The following DCAF15 variants were observed in gnomAD, a reference collection of about 807,000 sequenced individuals.
DCAF15 encodes the protein DDB1- and CUL4-associated factor 15.
Under a neutral mutation model 68.0 loss-of-function variants are expected in DCAF15, and 24 were observed. The observed-to-expected ratio is 0.35, with a 90% CI of 0.26 to 0.50. The LOEUF (loss-of-function observed/expected upper bound fraction) is 0.50, where lower values mean the gene tolerates loss of function less well. DCAF15 is among the 20% of genes least tolerant of loss of function. DCAF15 has a pLI of 0.98. For missense variants in DCAF15, 627 were observed against 830.6 expected (o/e 0.75, Z 3.01); for synonymous variants, 376 against 341.6 (o/e 1.10, Z -1.11).
Position 13,959,249 on chromosome 19 carries a change from G to T in DCAF15, c.989G>T (p.Arg330Leu), listed in dbSNP as rs558989002. 1 of 1,612,494 alleles carries T rather than the reference G, an allele frequency of 6.2e-7. No individual in the cohort carries two copies. Among genetic ancestry groups the T allele is most frequent in the Admixed American group, 1.7e-5 (1 of 60,020 alleles). Residue 330 changes from arginine to leucine, a missense_variant, in exon 7 of 13, where the codon CGG (arginine) becomes CTG (leucine). Arg to Leu is a moderately radical substitution (Grantham distance 102, BLOSUM62 -2). Coordinates refer to ENST00000254337, the MANE Select transcript of DCAF15 (RefSeq NM_138353.4). ...GAGTTTGTGGCTGACATCTTCCGCCGGGCCAAAGAGGCCAAGGGCGGGGTC... is the reference window on the plus strand; with the variant it reads ...GAGTTTGTGGCTGACATCTTCCGCCTGGCCAAAGAGGCCAAGGGCGGGGTC... ...AKEFVADIFRRAKEAKGGVPE... is the reference protein window; with the variant it reads ...AKEFVADIFRLAKEAKGGVPE...
chr19:13,960,401 G>C lies in DCAF15; in HGVS notation c.1631+10G>C. ...TCAAAGGGCAGACCAGGTGAGGCAGGGCTGGGGGGCAGGGTCAGGGCGCGG... is the reference window on the plus strand; with the variant it reads ...TCAAAGGGCAGACCAGGTGAGGCAGCGCTGGGGGGCAGGGTCAGGGCGCGG... On this transcript the variant is annotated intron_variant, in intron 11 of 12. Coordinates refer to ENST00000254337, the MANE Select transcript of DCAF15 (RefSeq NM_138353.4). 1 of 1,613,688 alleles carries C rather than the reference G, an allele frequency of 6.2e-7. No homozygotes were observed. Among genetic ancestry groups the C allele is most frequent in the Non-Finnish European group, 8.5e-7 (1 of 1,179,904 alleles).
chr19:13,954,768 TC>T, intron 3 of DCAF15, 107 bp downstream of exon 3: 2 of 1,214,840 alleles, frequency 1.6e-6, no homozygotes, highest in Non-Finnish European at 2.4e-6. Context: ...CATCATGTAC[TC>T]CTGGGGTCAT....
chr19:13,960,872 G>T, intron 12 of DCAF15, 68 bp from the exon 13 acceptor site: 1 of 1,603,544 alleles, frequency 6.2e-7, no homozygotes. Context: ...AAGCAAGTCA[G>T]GTGGAGGGTG....
rs1407515573 is a variant in DCAF15, at chr19:13,955,854, C to T, written c.367-58C>T. 4.2e-5 allele frequency: 66 copies of T among 1,578,604 alleles called. No individual in the cohort carries two copies. In the South Asian group the frequency reaches 6.6e-4, roughly 16 times the overall value. Reference sequence around the variant, plus strand: ...CCTGATGAGGGACTGCATCGTACAGCTTCGGGGGACCTCCGCAGTTTCCCT... The same window carrying T: ...CCTGATGAGGGACTGCATCGTACAGTTTCGGGGGACCTCCGCAGTTTCCCT... On this transcript the variant is annotated intron_variant, in intron 3 of 12. Coordinates refer to ENST00000254337, the MANE Select transcript of DCAF15 (RefSeq NM_138353.4).
intron 5 of DCAF15, 35 bp from the exon 6 acceptor site, chr19:13,956,317 C>A: frequency 6.2e-7 from 1 of 1,612,084 alleles, no homozygotes; most frequent in Non-Finnish European, 8.5e-7. Context: ...TTGCTCCGGG[C>A]CGAGAGTGAG....
intron 3 of DCAF15, among the ~76,000 whole-genome samples, chr19:13,955,004 G>T (rs1236137034): frequency 1.3e-5 from 2 of 152,178 alleles, no homozygotes; most frequent in Non-Finnish European, 2.9e-5. Flanking sequence ...TCCTCTGGAG[G>T]CTGAGGCAGG....
In DCAF15 at chr19:13,959,326, C is replaced by T. The variant is rs762602343; in HGVS notation, c.1066C>T (p.Arg356Cys). The change falls in exon 7 of 13, where the codon CGT becomes TGT. Residue 356 changes from arginine (R) to cysteine (C), a missense_variant. By Grantham distance (180) the Arg-to-Cys change is radical. This residue lies in a region of DCAF15 where 236 missense variants were observed against 225.1 expected (regional missense o/e 1.05). Transcript: ENST00000254337. ...CCCAGGACCCTCTGGCAGCCGCTGC[C>T]GTGCGCACTCTGAGCCCCTAGCCCT... is the stretch of plus-strand genomic sequence containing the variant. ...LCPGPSGSRC[R>C]AHSEPLALCG... The T allele has an allele frequency of 9.3e-6, 15 of 1,606,622 alleles. No individual in the cohort carries two copies. The highest frequency in any genetic ancestry group is 4.5e-5 in the East Asian group (2 of 44,866).
chr19:13,958,168 G>A (rs549300523), intron 6 of DCAF15, among the ~76,000 whole-genome samples: 6 of 152,270 alleles, frequency 3.9e-5, no homozygotes, highest in African/African-American at 1.2e-4. Flanking sequence ...GAGGGTTGAC[G>A]CCGCTCTGCC....
chr19:13,955,163 G>A (rs563991561), intron 3 of DCAF15, among the ~76,000 whole-genome samples: 14 of 152,270 alleles, frequency 9.2e-5, no homozygotes, highest in Admixed American at 3.3e-4. Flanking sequence ...GCTCACGCCT[G>A]TAATCCCAGC....
At position 13,960,989 on chromosome 19, in the gene DCAF15, G is replaced by A. The variant is rs1159610973; in HGVS notation, c.1797G>A (p.Val599=). The A allele has an allele frequency of 6.2e-7, 1 of 1,613,734 alleles. No homozygotes were observed. The change falls in exon 13 of 13, where the codon GTG becomes GTA. Residue 599 remains valine, a synonymous_variant. Coordinates refer to ENST00000254337, the MANE Select transcript of DCAF15 (RefSeq NM_138353.4). Reference sequence around the variant, plus strand: ...ACAGCGAGCGATATACGTGGATCGTGCTGTGAGGGCCAGGCCGCCCCGGAC... The same window carrying A: ...ACAGCGAGCGATATACGTGGATCGTACTGTGAGGGCCAGGCCGCCCCGGAC... ...LADSERYTWI[V]L
intron 6 of DCAF15, among the ~76,000 whole-genome samples, chr19:13,957,082 T>C (rs189720224): frequency 2.0e-5 from 3 of 152,358 alleles, no homozygotes; most frequent in African/African-American, 7.2e-5. Context: ...GTAGTTGTTT[T>C]AAGCTGAAAT....
intron 2 of DCAF15, 30 bp from the exon 3 acceptor site, chr19:13,954,496 C>G (rs1468930464): frequency 1.9e-6 from 3 of 1,613,950 alleles, no homozygotes; most frequent in African/African-American, 2.7e-5. Context: ...TCGCCCTGAC[C>G]TGGCCGCTGT....
chr19:13,957,751 A>G (rs1190505728), intron 6 of DCAF15, among the ~76,000 whole-genome samples: 2 of 152,142 alleles, frequency 1.3e-5, no homozygotes, highest in African/African-American at 4.8e-5. Flanking sequence ...TCTAGTAAAA[A>G]TATAAGAATT....
intron 3 of DCAF15, among the ~76,000 whole-genome samples, chr19:13,955,165 A>C (rs1293023090): frequency 1.3e-5 from 2 of 152,174 alleles, no homozygotes; most frequent in African/African-American, 2.4e-5. Flanking sequence ...TCACGCCTGT[A>C]ATCCCAGCAC....
chr19:13,959,696 C>T, intron 8 of DCAF15, 23 bp downstream of exon 8: 1 of 1,612,974 alleles, frequency 6.2e-7, no homozygotes, highest in Non-Finnish European at 8.5e-7. Context: ...AGTGGGCGGG[C>T]CAAGGACAGT....
chr19:13,953,394 C>T (rs1973181519), intron 1 of DCAF15: 1 of 428,764 alleles, frequency 2.3e-6, no homozygotes. Context: ...AAGGGCAGTG[C>T]TGTGTCTCCC....
chr19:13,958,936 A>C (rs1404140721), intron 6 of DCAF15, 109 bp from the exon 7 acceptor site: 1 of 1,354,070 alleles, frequency 7.4e-7, no homozygotes, highest in East Asian at 2.3e-5. Context: ...AGCATAGCCA[A>C]GTCTCCTAGA....
intron 1 of DCAF15, among the ~76,000 whole-genome samples, chr19:13,953,940 G>T (rs759526120): frequency 2.0e-5 from 3 of 152,130 alleles, no homozygotes; most frequent in Non-Finnish European, 4.4e-5. Flanking sequence ...TGCAGGTCAG[G>T]ACTCTGTCCC....
chr19:13,956,599 GC>G, intron 6 of DCAF15, 77 bp downstream of exon 6: 2 of 1,529,686 alleles, frequency 1.3e-6, no homozygotes. Context: ...CAGACAAGGG[GC>G]CCCAGGCGTA....
Sources: allele counts gnomAD v4.1 joint callset (sites outside exome capture counted in the v4.1 genomes callset), GRCh38; gene constraint gnomAD v4.1.1; regional missense constraint gnomAD v4.1.1; transcripts MANE v1.5; gene names NCBI Gene and HGNC (gene_info 2026-07-23, HGNC 2026-07-21).